GRM7: variants seen among roughly 807,000 people sequenced by gnomAD.
GRM7 encodes the protein metabotropic glutamate receptor 7.
GRM7 carries 35 observed loss-of-function variants against 84.5 expected under a neutral mutation model. The ratio of observed to expected loss-of-function variants is 0.41; its 90% CI spans 0.32 to 0.55. The LOEUF (loss-of-function observed/expected upper bound fraction) is 0.55. GRM7 is among the 20% of genes least tolerant of loss of function. GRM7 has a pLI of 0.19. For missense variants in GRM7, 1,003 were observed against 1,194.6 expected (o/e 0.84, Z 2.36); for synonymous variants, 487 against 455.1 (o/e 1.07, Z -0.89).
At chr3:7,726,125 AATT>A (rs1167887905) in intron 9 of GRM7, among the ~76,000 whole-genome samples, 1 of 152,158 alleles carries the variant, frequency 6.6e-6, no homozygotes, top group Non-Finnish European at 1.5e-5. Context: ...AGTGGTTTTA[AATT>A]ATTGGTCAAT....
chr3:7,531,404 G>A (rs1701031339), intron 7 of GRM7, among the ~76,000 whole-genome samples: 1 of 152,118 alleles, frequency 6.6e-6, no homozygotes, highest in Admixed American at 6.6e-5. Context: ...AGTTTGGGCA[G>A]TATGGCCATT....
intron 9 of GRM7, among the ~76,000 whole-genome samples, chr3:7,705,500 G>A (rs925446097): frequency 6.6e-6 from 1 of 152,080 alleles, no homozygotes; most frequent in Non-Finnish European, 1.5e-5. Context: ...ATACAAAACT[G>A]CAACTGTGAA....
chr3:7,635,001 C>T (rs1698024208), intron 8 of GRM7, among the ~76,000 whole-genome samples: 1 of 152,086 alleles, frequency 6.6e-6, no homozygotes, highest in Non-Finnish European at 1.5e-5. Context: ...ATCAGCACTG[C>T]CCGATAGAAT....
chr3:6,971,612 C>T (rs546355329), intron 1 of GRM7, among the ~76,000 whole-genome samples: 1 of 152,296 alleles, frequency 6.6e-6, no homozygotes, highest in South Asian at 2.1e-4. Flanking sequence ...TCATGCATTG[C>T]TAAATGGTTG....
chr3:7,075,532 G>GTGTGTT lies in GRM7; in HGVS notation c.520-70915_520-70914insTTGTGT, dbSNP rs34175414. On this transcript the variant is annotated intron_variant, in intron 1 of 9. Coordinates refer to ENST00000357716, the MANE Select transcript of GRM7 (RefSeq NM_000844.4). ...TGTGTGTGTGTGTGTGTGTGTGTGT[G>GTGTGTT]TGTGTGTGTGTGTTTGGAGATGGAG... is the stretch of plus-strand genomic sequence containing the variant. Among the ~76,000 whole-genome samples the GTGTGTT allele has an allele frequency of 2.2e-3, 319 of 147,832 alleles. 2 individuals are homozygous for GTGTGTT. Among genetic ancestry groups the GTGTGTT allele is most frequent in the East Asian group, 0.02 (100 of 4,914 alleles).
At chr3:6,968,304 A>G (rs1459816752) in intron 1 of GRM7, among the ~76,000 whole-genome samples, 1 of 152,090 alleles carries the variant, frequency 6.6e-6, no homozygotes. Flanking sequence ...ATTTCTTCTT[A>G]TTATGAGAAC....
chr3:7,066,193 A>G (rs766255299), intron 1 of GRM7, among the ~76,000 whole-genome samples: 1 of 151,936 alleles, frequency 6.6e-6, no homozygotes, highest in Non-Finnish European at 1.5e-5. Context: ...ACTAAATGAA[A>G]TGGAAAAAAA....
intron 1 of GRM7, among the ~76,000 whole-genome samples, chr3:6,891,477 C>T (rs183541966): frequency 8.9e-4 from 135 of 152,220 alleles, no homozygotes; most frequent in Non-Finnish European, 1.5e-3. Context: ...TATTTTATTT[C>T]TCCTTCACTT....
intron 1 of GRM7, among the ~76,000 whole-genome samples, chr3:7,032,807 A>G (rs560063263): frequency 6.6e-6 from 1 of 152,302 alleles, no homozygotes; most frequent in African/African-American, 2.4e-5. Context: ...AGAATCTACT[A>G]TGTAACATAT....
intron 8 of GRM7, among the ~76,000 whole-genome samples, chr3:7,580,468 C>G (rs777638588): frequency 8.5e-5 from 13 of 152,128 alleles, no homozygotes; most frequent in Non-Finnish European, 8.8e-5. Flanking sequence ...TTTACAACAG[C>G]CTGTGTATCC....
intron 1 of GRM7, among the ~76,000 whole-genome samples, chr3:6,950,418 T>C (rs1692699548): frequency 1.3e-5 from 2 of 152,122 alleles, no homozygotes; most frequent in South Asian, 4.1e-4. Flanking sequence ...CCTCCGGAAA[T>C]TTTGTCTCAG....
intron 9 of GRM7, among the ~76,000 whole-genome samples, chr3:7,686,930 A>G (rs1286940744): frequency 6.6e-6 from 1 of 152,226 alleles, no homozygotes; most frequent in Middle Eastern, 3.2e-3. Context: ...TTCCTAAAAA[A>G]GTATCCATTG....
In GRM7 at chr3:7,555,603, T is replaced by C. The variant is rs551246219; in HGVS notation, c.1516-22819T>C. Among the ~76,000 whole-genome samples, 5 of 152,362 alleles carry C rather than the reference T, an allele frequency of 3.3e-5. No individual in the cohort carries two copies. In the South Asian group the frequency reaches 8.3e-4, roughly 25 times the overall value. On this transcript the variant is annotated intron_variant, in intron 7 of 9. Coordinates refer to ENST00000357716, the MANE Select transcript of GRM7 (RefSeq NM_000844.4). ...CACCTTTCAATGGCAAATTAAAACA[T>C]TGTTACAACTGCCTGAATTTTAGGA...
chr3:7,521,920 C>A (rs1198632451), intron 7 of GRM7, among the ~76,000 whole-genome samples: 1 of 152,100 alleles, frequency 6.6e-6, no homozygotes, highest in African/African-American at 2.4e-5. Flanking sequence ...GTCCCTTGAG[C>A]CCCACCTGCC....
chr3:7,740,368 A>C lies in GRM7; in HGVS notation c.2710A>C (p.Lys904Gln). The change falls in exon 10 of 10, where the codon AAA (lysine) becomes CAA (glutamine). Residue 904 changes from lysine to glutamine, a missense_variant. Transcript: ENST00000357716. Reference protein sequence around the residue: ...ENVDPNSPAAKKKYVSYNNLV... With the variant: ...ENVDPNSPAAQKKYVSYNNLV... ...AATTTTTCTTTCAGGCCCTGCTGCA[A>C]AAAAGAAGTATGTCAGTTATAATAA... 6.3e-7 allele frequency: 1 copy of C among 1,590,744 alleles called. No homozygotes were observed. Among genetic ancestry groups the C allele is most frequent in the Middle Eastern group, 1.7e-4 (1 of 5,996 alleles).
At chr3:7,710,066 C>G (rs1701527248) in intron 9 of GRM7, among the ~76,000 whole-genome samples, 1 of 151,914 alleles carries the variant, frequency 6.6e-6, no homozygotes, top group South Asian at 2.1e-4. Context: ...TACATAAGTA[C>G]TATGCATAAG....
At position 7,248,794 on chromosome 3, in the gene GRM7, G is replaced by A. The variant is rs537169285; in HGVS notation, c.737-49890G>A. On this transcript the variant is annotated intron_variant, in intron 2 of 9. Transcript: ENST00000357716. ...CCGCTTGCAAATCACCTATATAAGAGACTTATTTAGAAGACTAAATGAGAC... is the reference window on the plus strand; with the variant it reads ...CCGCTTGCAAATCACCTATATAAGAAACTTATTTAGAAGACTAAATGAGAC... Among the ~76,000 whole-genome samples, 65 of 152,112 alleles carry A rather than the reference G, an allele frequency of 4.3e-4. 1 individual carries two copies. The highest frequency in any genetic ancestry group is 1.5e-3 in the African/African-American group (64 of 41,504).
At chr3:7,389,152 C>T (rs532386386) in intron 4 of GRM7, among the ~76,000 whole-genome samples, 1 of 152,224 alleles carries the variant, frequency 6.6e-6, no homozygotes, top group African/African-American at 2.4e-5. Flanking sequence ...CATTCAATAG[C>T]AAGCTATTTA....
intron 1 of GRM7, among the ~76,000 whole-genome samples, chr3:6,958,951 A>G (rs569749291): frequency 2.0e-5 from 3 of 152,360 alleles, no homozygotes; most frequent in South Asian, 4.1e-4. Context: ...ACATAAAATT[A>G]TAACTCAAAA....
Sources: gnomAD v4.1 joint callset for allele counts (sites outside exome capture counted in the v4.1 genomes callset) on GRCh38, gnomAD v4.1.1 for gene constraint, MANE v1.5 for transcripts, NCBI Gene and HGNC (gene_info 2026-07-23, HGNC 2026-07-21) for gene names.